Variants in DGKB observed in about 807,000 individuals in gnomAD.
The protein encoded by DGKB is diacylglycerol kinase beta.
DGKB carries 67 observed loss-of-function variants against 114.3 expected under a neutral mutation model. The observed-to-expected ratio is 0.59, with a 90% CI of 0.48 to 0.72. The LOEUF (loss-of-function observed/expected upper bound fraction) is 0.72. Ranked by LOEUF, DGKB falls within the 30% of genes least tolerant of loss-of-function variation. The pLI is 0.00. For synonymous variants in DGKB, 398 were observed against 323.1 expected, an observed-to-expected ratio of 1.23 and a Z score of -2.49; for missense variants, 907 against 975.2, an observed-to-expected ratio of 0.93 and a Z score of 0.93.
At chr7:14,811,599 T>C (rs530345552) in intron 2 of DGKB, among the ~76,000 whole-genome samples, 7 of 152,098 alleles carry the variant, frequency 4.6e-5, no homozygotes, top group Non-Finnish European at 8.8e-5. Flanking sequence ...ATCATGGAAA[T>C]GGAAAAATGA....
intron 1 of DGKB, among the ~76,000 whole-genome samples, chr7:14,883,120 C>G (rs1218707228): frequency 6.6e-6 from 1 of 151,774 alleles, no homozygotes; most frequent in African/African-American, 2.4e-5. Context: ...CAGTGGAGTA[C>G]TTGGTTGTAA....
intron 4 of DGKB, among the ~76,000 whole-genome samples, chr7:14,741,542 G>A (rs1832585531): frequency 6.6e-6 from 1 of 152,120 alleles, no homozygotes; most frequent in Admixed American, 6.5e-5. Flanking sequence ...GGCAGCCTGG[G>A]ATCAATCCTG....
intron 21 of DGKB, among the ~76,000 whole-genome samples, chr7:14,345,994 A>G (rs1812411729): frequency 6.6e-6 from 1 of 151,334 alleles, no homozygotes; most frequent in Non-Finnish European, 1.5e-5. Context: ...ATTATCTAGT[A>G]TTGGATTTGA....
intron 13 of DGKB, among the ~76,000 whole-genome samples, chr7:14,637,592 T>C (rs1192396598): frequency 6.6e-6 from 1 of 151,398 alleles, no homozygotes; most frequent in African/African-American, 2.4e-5. Context: ...CATTCAAAAA[T>C]ATGTTTTATA....
At chr7:14,736,364 A>T (rs1296307957) in intron 4 of DGKB, among the ~76,000 whole-genome samples, 170 bp from the exon 5 acceptor site, 1 of 152,214 alleles carries the variant, frequency 6.6e-6, no homozygotes, top group African/African-American at 2.4e-5. Flanking sequence ...CTGGGCTAAC[A>T]CTGGCAATGG....
At chr7:14,404,519 C>T (rs1356596033) in intron 21 of DGKB, among the ~76,000 whole-genome samples, 5 of 151,920 alleles carry the variant, frequency 3.3e-5, no homozygotes, top group Non-Finnish European at 7.4e-5. Flanking sequence ...AATTATAACT[C>T]AGCATCCCAT....
chr7:14,927,492 A>G (rs1262492462), intron 1 of DGKB, among the ~76,000 whole-genome samples: 4 of 147,656 alleles, frequency 2.7e-5, no homozygotes, highest in African/African-American at 9.9e-5. Context: ...GCTTTGCTTT[A>G]TATCAGCTCT....
At position 14,695,494 on chromosome 7, in the gene DGKB, C is replaced by CTTTTTTTTTTTTTTTTTTTT. The variant is rs1173622205; in HGVS notation, c.592-1320_592-1301dup. ...AATGTTCATTTCTCTCTCTCTCTCT[C>CTTTTTTTTTTTTTTTTTTTT]TTTTTTTTTTTTTTTTTTTTTTTGA... On this transcript the variant is annotated intron_variant, in intron 8 of 25. Transcript: ENST00000402815. Among the ~76,000 whole-genome samples, 26 of 75,164 alleles carry CTTTTTTTTTTTTTTTTTTTT rather than the reference C, an allele frequency of 3.5e-4. 7 individuals are homozygous for CTTTTTTTTTTTTTTTTTTTT. Among genetic ancestry groups the CTTTTTTTTTTTTTTTTTTTT allele is most frequent in the African/African-American group, 4.7e-4 (8 of 17,084 alleles). The allele number at this position is 75,164 out of a possible 152,430, so 49.3% of individuals were successfully genotyped here.
chr7:14,744,576 G>T (rs571359839), intron 4 of DGKB, among the ~76,000 whole-genome samples: 2 of 152,236 alleles, frequency 1.3e-5, no homozygotes, highest in South Asian at 4.1e-4. Flanking sequence ...GGCTGGGCTG[G>T]GCTTTCCAAA....
intron 17 of DGKB, among the ~76,000 whole-genome samples, chr7:14,594,352 T>C (rs1802193762): frequency 6.6e-6 from 1 of 152,112 alleles, no homozygotes; most frequent in Non-Finnish European, 1.5e-5. Context: ...TATGCATATA[T>C]ATATGTTTGG....
chr7:14,313,319 C>T lies in DGKB; in HGVS notation c.2122+25196G>A, dbSNP rs533304708. 5.3e-3 allele frequency among the ~76,000 whole-genome samples: 813 copies of T among 152,194 alleles called. 4 individuals are homozygous for T. The highest frequency in any genetic ancestry group is 5.1e-3 in the Non-Finnish European group (345 of 68,018). On this transcript the variant is annotated intron_variant, in intron 23 of 25. Coordinates refer to ENST00000402815, the MANE Select transcript of DGKB (RefSeq NM_001350709.2). ...TCCGGTCTACAGCTCCCAGCCTGAG[C>T]GACGCAGAAGACGGGTGATTTCTGC...
At chr7:14,607,139 G>A (rs1788905031) in intron 17 of DGKB, among the ~76,000 whole-genome samples, 1 of 147,496 alleles carries the variant, frequency 6.8e-6, no homozygotes, top group South Asian at 2.2e-4. Flanking sequence ...TGTTCAAACT[G>A]GCATTCAGCT....
intron 2 of DGKB, among the ~76,000 whole-genome samples, chr7:14,838,509 GAA>G (rs752181480): frequency 1.3e-5 from 2 of 151,802 alleles, no homozygotes; most frequent in Non-Finnish European, 2.9e-5. Flanking sequence ...AAAACTGGAG[GAA>G]AATTTCAGAT....
At chr7:14,213,971 G>T (rs767020155) in intron 23 of DGKB, among the ~76,000 whole-genome samples, 5 of 151,940 alleles carry the variant, frequency 3.3e-5, no homozygotes, top group Non-Finnish European at 7.4e-5. Context: ...TACATGTTGC[G>T]TTCTCTCTCT....
At chr7:14,605,193 A>C (rs1226269232) in intron 17 of DGKB, among the ~76,000 whole-genome samples, 1 of 152,044 alleles carries the variant, frequency 6.6e-6, no homozygotes, top group Non-Finnish European at 1.5e-5. Context: ...ATGATTATGG[A>C]ATATCATGCA....
At chr7:14,605,195 T>C (rs1367030806) in intron 17 of DGKB, among the ~76,000 whole-genome samples, 44 of 152,008 alleles carry the variant, frequency 2.9e-4, no homozygotes, top group Non-Finnish European at 5.9e-5. Flanking sequence ...GATTATGGAA[T>C]ATCATGCAGC....
chr7:14,910,322 T>C (rs1312798745), intron 1 of DGKB, among the ~76,000 whole-genome samples: 1 of 149,478 alleles, frequency 6.7e-6, no homozygotes, highest in Admixed American at 6.6e-5. Flanking sequence ...AAGAACCTTA[T>C]ATATTAGGAG....
intron 1 of DGKB, among the ~76,000 whole-genome samples, chr7:14,963,299 T>C (rs1019131533): frequency 6.6e-6 from 1 of 152,082 alleles, no homozygotes; most frequent in Non-Finnish European, 1.5e-5. Context: ...AATACACAAA[T>C]ACACAAAATG....
chr7:14,192,435 A>C (rs112813078), intron 23 of DGKB, among the ~76,000 whole-genome samples: 2,409 of 152,302 alleles, frequency 0.016, 60 homozygotes, highest in African/African-American at 0.054. Context: ...TAAAACTGTA[A>C]AACTTTGATG....
Sources: gnomAD v4.1 joint callset for allele counts (sites outside exome capture counted in the v4.1 genomes callset) on GRCh38, gnomAD v4.1.1 for gene constraint, MANE v1.5 for transcripts, NCBI Gene and HGNC (gene_info 2026-07-23, HGNC 2026-07-21) for gene names.